Variants in MYLK observed in about 807,000 individuals in gnomAD.
MYLK encodes myosin light chain kinase.
Under a neutral mutation model 203.4 loss-of-function variants are expected in MYLK, and 106 were observed. The observed-to-expected ratio is 0.52, with a 90% confidence interval of 0.45 to 0.61. MYLK has a LOEUF of 0.61. MYLK is among the 20% of genes least tolerant of loss of function. The pLI, the probability that MYLK is intolerant of heterozygous loss-of-function variation, is 0.00. For synonymous variants in MYLK, 867 were observed against 959.5 expected (o/e 0.90, Z 1.78); for missense variants, 2,072 against 2,442.3 (o/e 0.85, Z 3.20).
rs1481137931 is a variant in MYLK, at chr3:123,737,461, T to C, written c.671A>G (p.Asn224Ser). The change falls in exon 8 of 34, where the codon AAC becomes AGC. Residue 224 changes from asparagine (N) to serine (S), a missense_variant. By Grantham distance (46) the Asn-to-Ser change is conservative. Transcript: ENST00000360304. The stretch of plus-strand genomic sequence containing the variant: ...CGTGTACACTCCCACGTCATCTTGG[T>C]TGACTCCATGGATTTCCAGAACCTG... ...GMQVLEIHGVNQDDVGVYTCL... is the reference protein window; with the variant it reads ...GMQVLEIHGVSQDDVGVYTCL... 1 of 1,614,182 alleles carries C rather than the reference T, an allele frequency of 6.2e-7. No homozygotes were observed. The highest frequency in any genetic ancestry group is 1.7e-5 in the Admixed American group (1 of 60,026).
chr3:123,620,535 T>G, intron 31 of MYLK, 199 bp from the exon 32 acceptor site: 4 of 1,431,288 alleles, frequency 2.8e-6, no homozygotes, highest in Non-Finnish European at 3.7e-6. Flanking sequence ...CAGAAGATGT[T>G]CAGAGAATGG....
intron 4 of MYLK, among the ~76,000 whole-genome samples, chr3:123,767,211 A>G (rs1261772867): frequency 3.3e-5 from 5 of 152,220 alleles, no homozygotes; most frequent in South Asian, 2.1e-4. Flanking sequence ...CAGTGGGTTG[A>G]GAAGCCTGCA....
At chr3:123,680,099 T>C (rs2060210914) in intron 20 of MYLK, among the ~76,000 whole-genome samples, 1 of 152,184 alleles carries the variant, frequency 6.6e-6, no homozygotes, top group Non-Finnish European at 1.5e-5. Context: ...GCTCCCCAGG[T>C]GAATATAACA....
At chr3:123,744,631 AC>A (rs2062960352) in intron 5 of MYLK, among the ~76,000 whole-genome samples, 1 of 152,180 alleles carries the variant, frequency 6.6e-6, no homozygotes, top group Non-Finnish European at 1.5e-5. Context: ...TTATCACAGG[AC>A]TTCAAGGTAA....
chr3:123,768,709 G>C (rs2063781488), intron 4 of MYLK, among the ~76,000 whole-genome samples: 1 of 152,242 alleles, frequency 6.6e-6, no homozygotes, highest in South Asian at 2.1e-4. Context: ...TGTCGCAAAA[G>C]GGGATAATCA....
intron 24 of MYLK, among the ~76,000 whole-genome samples, chr3:123,652,039 G>C (rs2059231761): frequency 6.6e-6 from 1 of 152,184 alleles, no homozygotes; most frequent in South Asian, 2.1e-4. Context: ...TTGCGTCTAG[G>C]AGTTCAAATC....
chr3:123,793,645 C>G, intron 4 of MYLK, 32 bp downstream of exon 4: 1 of 1,613,418 alleles, frequency 6.2e-7, no homozygotes, highest in South Asian at 1.1e-5. Context: ...CCATCCTTCC[C>G]CACAGCCTCC....
intron 24 of MYLK, 113 bp from the exon 25 acceptor site, chr3:123,649,307 A>G: frequency 7.2e-7 from 1 of 1,380,448 alleles, no homozygotes; most frequent in South Asian, 1.2e-5. Flanking sequence ...CAGGCAGACG[A>G]CTACCAGGTC....
intron 13 of MYLK, among the ~76,000 whole-genome samples, chr3:123,717,342 C>T (rs367829953): frequency 1.3e-5 from 2 of 152,220 alleles, no homozygotes; most frequent in African/African-American, 4.8e-5. Context: ...TGCCTGTTGT[C>T]TTCATTAGAA....
At chr3:123,858,258 A>G (rs1468628338) in intron 2 of MYLK, among the ~76,000 whole-genome samples, 1 of 152,204 alleles carries the variant, frequency 6.6e-6, no homozygotes, top group Non-Finnish European at 1.5e-5. Context: ...AGAGGTCTCC[A>G]GAGTGGGAGA....
chr3:123,795,856 A>G (rs2064967199), intron 3 of MYLK, among the ~76,000 whole-genome samples: 1 of 152,266 alleles, frequency 6.6e-6, no homozygotes, highest in Non-Finnish European at 1.5e-5. Context: ...CTATGCTGTG[A>G]GTCAGGTAAA....
rs976329841 is a variant in MYLK at position 123,753,503 on chromosome 3, T to G, written c.166-965A>C. On this transcript the variant is annotated intron_variant, in intron 4 of 33. Transcript: ENST00000360304. ...TTTTTTTTTTTTTTTTGAGATGGAG[T>G]CTTGCTCTGTTGCCCAGGCTGGAGT... 2.0e-5 allele frequency among the ~76,000 whole-genome samples: 3 copies of G among 147,150 alleles called. No individual in the cohort carries two copies. In the Admixed American group the frequency reaches 2.1e-4, roughly 10 times the overall value.
At chr3:123,763,745 T>A (rs1560187709) in intron 4 of MYLK, among the ~76,000 whole-genome samples, 2 of 152,350 alleles carry the variant, frequency 1.3e-5, no homozygotes, top group South Asian at 2.1e-4. Flanking sequence ...AATCTTCTTT[T>A]CATTCTGATA....
intron 14 of MYLK, chr3:123,709,113 G>T: frequency 1.1e-5 from 4 of 374,550 alleles, no homozygotes; most frequent in Admixed American, 4.2e-5. Context: ...CATCTTCTGA[G>T]ATTTGGGAAG....
chr3:123,662,941 T>C (rs186435845), intron 23 of MYLK, among the ~76,000 whole-genome samples: 1 of 152,296 alleles, frequency 6.6e-6, no homozygotes, highest in East Asian at 1.9e-4. Context: ...TTCACAAATG[T>C]ACCCTATAAG....
intron 2 of MYLK, among the ~76,000 whole-genome samples, chr3:123,835,423 G>C (rs1287540388): frequency 6.6e-6 from 1 of 152,202 alleles, no homozygotes; most frequent in Non-Finnish European, 1.5e-5. Flanking sequence ...GCAGGCAACT[G>C]ATCAGGGGTG....
chr3:123,657,229 C>A lies in MYLK; in HGVS notation c.4185G>T (p.Leu1395=). 1.2e-6 allele frequency: 2 copies of A among 1,614,184 alleles called. No homozygotes were observed. The highest frequency in any genetic ancestry group is 1.7e-6 in the Non-Finnish European group (2 of 1,180,038). ...RSTSFNVQDL[L]PDHEYKFRVR... ...CACGGAACTTATATTCGTGGTCAGG[C>A]AGCAGGTCCTGGACGTTGAAAGAGG... The change falls in exon 24 of 34, where the codon CTG becomes CTT. Residue 1395 remains leucine, a synonymous_variant. Transcript: ENST00000360304.
intron 19 of MYLK, among the ~76,000 whole-genome samples, chr3:123,686,274 T>TG (rs1019215579): frequency 5.9e-5 from 9 of 151,634 alleles, no homozygotes; most frequent in Admixed American, 2.0e-4. Flanking sequence ...TGTGAGGAAG[T>TG]GGGGGGCCTC....
At chr3:123,684,002 T>C (rs547989834) in intron 19 of MYLK, among the ~76,000 whole-genome samples, 1 of 152,322 alleles carries the variant, frequency 6.6e-6, no homozygotes, top group South Asian at 2.1e-4. Context: ...AGGCTGCCTG[T>C]AACCCAGCAT....
Sources: gnomAD v4.1 joint callset for allele counts (sites outside exome capture counted in the v4.1 genomes callset) on GRCh38, gnomAD v4.1.1 for gene constraint, MANE v1.5 for transcripts, NCBI Gene and HGNC (gene_info 2026-07-23, HGNC 2026-07-21) for gene names.